Variants in ST8SIA1 observed in about 807,000 individuals in gnomAD.
ST8SIA1 encodes the protein ST8 alpha-N-acetyl-neuraminide alpha-2,8-sialyltransferase 1.
In ST8SIA1, 16 loss-of-function variants were observed where a neutral mutation model predicts 35.9. The observed-to-expected ratio is 0.45, with a 90% CI of 0.30 to 0.68. The LOEUF is 0.68. Among genes scored for constraint, ST8SIA1 ranks in the 30% least tolerant of loss-of-function variants. ST8SIA1 has a pLI of 0.09. For synonymous variants in ST8SIA1, 170 were observed against 169.6 expected (o/e 1.00, Z -0.02); for missense variants, 383 against 453.6 (o/e 0.84, Z 1.41).
rs113676087 is a variant in ST8SIA1 at position 22,224,461 on chromosome 12, C to A, written c.585-22423G>T. 2.6e-5 allele frequency among the ~76,000 whole-genome samples: 4 copies of A among 151,972 alleles called. No homozygotes were observed. In the East Asian group the frequency reaches 7.7e-4, roughly 29 times the overall value. ...AGTAGCTGGGATTACAGATGCACACCACCAGGCCTGGCTCATTTTTGTATT... is the reference window on the plus strand; with the variant it reads ...AGTAGCTGGGATTACAGATGCACACAACCAGGCCTGGCTCATTTTTGTATT... On this transcript the variant is annotated intron_variant, in intron 4 of 4. Transcript: ENST00000396037.
intron 1 of ST8SIA1, among the ~76,000 whole-genome samples, chr12:22,314,786 C>T (rs1163808686): frequency 6.6e-6 from 1 of 152,146 alleles, no homozygotes; most frequent in Non-Finnish European, 1.5e-5. Flanking sequence ...TCCCTGGCTC[C>T]AGGCGTACTT....
At chr12:22,316,408 G>A (rs891089158) in intron 1 of ST8SIA1, among the ~76,000 whole-genome samples, 5 of 152,122 alleles carry the variant, frequency 3.3e-5, no homozygotes, top group Non-Finnish European at 7.3e-5. Flanking sequence ...GGGGAGAGGT[G>A]AATTTTTGTT....
chr12:22,230,251 C>CT (rs1451047390), intron 4 of ST8SIA1, among the ~76,000 whole-genome samples: 1 of 152,076 alleles, frequency 6.6e-6, no homozygotes, highest in Non-Finnish European at 1.5e-5. Flanking sequence ...AATGAAATCT[C>CT]TTTTTTTCAC....
At chr12:22,286,085 T>C (rs1035893034) in intron 2 of ST8SIA1, among the ~76,000 whole-genome samples, 3 of 152,112 alleles carry the variant, frequency 2.0e-5, no homozygotes, top group African/African-American at 7.2e-5. Context: ...TCTTAGTTAT[T>C]TCCTTTGACA....
chr12:22,304,324 TTTTC>T (rs1230632353), intron 1 of ST8SIA1, among the ~76,000 whole-genome samples: 4 of 133,260 alleles, frequency 3.0e-5, no homozygotes, highest in African/African-American at 5.7e-5. Context: ...GACCTTGTCT[TTTTC>T]TTTTTCTTTT....
chr12:22,316,929 G>A (rs2135837304), intron 1 of ST8SIA1, among the ~76,000 whole-genome samples: 1 of 152,190 alleles, frequency 6.6e-6, no homozygotes, highest in South Asian at 2.1e-4. Context: ...AAAAAAACAG[G>A]CTTTCTCATA....
intron 2 of ST8SIA1, among the ~76,000 whole-genome samples, chr12:22,281,640 T>A (rs572096025): frequency 6.6e-6 from 1 of 152,174 alleles, no homozygotes; most frequent in East Asian, 1.9e-4. Context: ...TGTATAGGAT[T>A]CCATATCCTG....
chr12:22,223,445 G>C, intron 4 of ST8SIA1: 1 of 912,236 alleles, frequency 1.1e-6, no homozygotes, highest in Non-Finnish European at 1.3e-6. Flanking sequence ...GAAAAGCTAA[G>C]AACTGCCTTT....
chr12:22,278,434 T>C (rs1417848623), intron 2 of ST8SIA1, among the ~76,000 whole-genome samples: 4 of 152,166 alleles, frequency 2.6e-5, no homozygotes, highest in Admixed American at 2.6e-4. Flanking sequence ...AAAGACTATG[T>C]AAGAGTATAA....
At chr12:22,240,506 T>G (rs1865527697) in intron 4 of ST8SIA1, among the ~76,000 whole-genome samples, 1 of 151,350 alleles carries the variant, frequency 6.6e-6, no homozygotes. Context: ...ATACAAACAA[T>G]GATAAGCTGC....
intron 4 of ST8SIA1, among the ~76,000 whole-genome samples, chr12:22,240,672 C>T (rs1383870058): frequency 6.6e-6 from 1 of 152,070 alleles, no homozygotes; most frequent in Non-Finnish European, 1.5e-5. Flanking sequence ...AAGTTATTTT[C>T]CTCAAAGCTC....
chr12:22,223,916 T>C, intron 4 of ST8SIA1: 1 of 744,176 alleles, frequency 1.3e-6, no homozygotes, highest in Non-Finnish European at 1.7e-6. Flanking sequence ...CTTTATCCTT[T>C]ATACATTGCT....
intron 1 of ST8SIA1, among the ~76,000 whole-genome samples, chr12:22,312,645 T>C (rs1056251002): frequency 1.8e-4 from 28 of 151,956 alleles, no homozygotes; most frequent in African/African-American, 5.1e-4. Flanking sequence ...AAATTAGTCA[T>C]TGCTGGATTA....
intron 1 of ST8SIA1, among the ~76,000 whole-genome samples, chr12:22,318,758 T>C (rs1371833556): frequency 6.6e-6 from 1 of 152,158 alleles, no homozygotes. Flanking sequence ...AAAATGAAAT[T>C]TTATCATTTG....
chr12:22,258,526 C>T (rs1865752669), intron 2 of ST8SIA1, among the ~76,000 whole-genome samples: 1 of 151,664 alleles, frequency 6.6e-6, no homozygotes, highest in Non-Finnish European at 1.5e-5. Flanking sequence ...ACATCAAATG[C>T]TATTGATAGA....
At chr12:22,304,247 A>G (rs1866355540) in intron 1 of ST8SIA1, among the ~76,000 whole-genome samples, 1 of 151,890 alleles carries the variant, frequency 6.6e-6, no homozygotes, top group Admixed American at 6.6e-5. Flanking sequence ...ACATCCAAAA[A>G]TGTATGCATG....
chr12:22,250,073 T>A (rs1293606315), intron 3 of ST8SIA1, among the ~76,000 whole-genome samples: 1 of 152,144 alleles, frequency 6.6e-6, no homozygotes, highest in Non-Finnish European at 1.5e-5. Context: ...CAGGTGATGT[T>A]TCCCTGGTGA....
At chr12:22,285,004 T>A (rs539975854) in intron 2 of ST8SIA1, among the ~76,000 whole-genome samples, 2 of 152,358 alleles carry the variant, frequency 1.3e-5, no homozygotes, top group African/African-American at 4.8e-5. Context: ...TGCTTCCTTA[T>A]CTCTTCCTCA....
At chr12:22,270,426 T>G (rs2300734) in intron 2 of ST8SIA1, among the ~76,000 whole-genome samples, 8,215 of 152,310 alleles carry the variant, frequency 0.054, 328 homozygotes, top group East Asian at 0.15. Flanking sequence ...AGGTTTTCTC[T>G]AATACATTTG....
Sources: gnomAD v4.1 joint callset for allele counts (sites outside exome capture counted in the v4.1 genomes callset) on GRCh38, gnomAD v4.1.1 for gene constraint, MANE v1.5 for transcripts, NCBI Gene and HGNC (gene_info 2026-07-23, HGNC 2026-07-21) for gene names.